Variants in SMAP1 observed in about 807,000 individuals in gnomAD.
The protein encoded by SMAP1 is stromal membrane-associated protein 1.
In SMAP1, 24 loss-of-function variants were observed where a neutral mutation model predicts 58.5. The observed-to-expected ratio is 0.41, with a 90% CI of 0.30 to 0.58. SMAP1 has a LOEUF of 0.58. Among genes scored for constraint, SMAP1 ranks in the 20% least tolerant of loss-of-function variants. The pLI is 0.29. For missense variants in SMAP1, 563 were observed against 566.3 expected (o/e 0.99, Z 0.06); for synonymous variants, 216 against 196.6 (o/e 1.10, Z -0.82).
At chr6:70,725,946 A>C (rs1405153750) in intron 1 of SMAP1, among the ~76,000 whole-genome samples, 1 of 152,210 alleles carries the variant, frequency 6.6e-6, no homozygotes, top group African/African-American at 2.4e-5. Flanking sequence ...CGAAAAGCTG[A>C]CAAAGTAGAG....
In SMAP1 at chr6:70,861,705, G is replaced by GT; in HGVS notation, c.*1373dup. The GT allele has an allele frequency of 6.2e-7, 1 of 1,613,992 alleles. No individual in the cohort carries two copies. The highest frequency in any genetic ancestry group is 1.1e-5 in the South Asian group (1 of 91,068). On this transcript the variant is annotated 3_prime_UTR_variant, in exon 11 of 11. Transcript: ENST00000370455. Reference sequence around the variant, plus strand: ...CTGTGTCCAGGTGGTACTTTGGCTCGTTGGCTAGATTAACCTTCTCTGTCC... The same window carrying GT: ...CTGTGTCCAGGTGGTACTTTGGCTCGTTTGGCTAGATTAACCTTCTCTGTCC...
intron 1 of SMAP1, among the ~76,000 whole-genome samples, chr6:70,729,438 C>CAAA (rs71538438): frequency 2.4e-5 from 2 of 81,708 alleles, no homozygotes; most frequent in Admixed American, 1.2e-4. Flanking sequence ...GACTCCGTCT[C>CAAA]AAAAAAAAAA....
At chr6:70,670,957 C>G (rs1766238955) in intron 1 of SMAP1, among the ~76,000 whole-genome samples, 1 of 152,218 alleles carries the variant, frequency 6.6e-6, no homozygotes, top group South Asian at 2.1e-4. Flanking sequence ...TGATCCTGCT[C>G]TTACCAAATC....
chr6:70,705,817 A>T, intron 1 of SMAP1, among the ~76,000 whole-genome samples: 1 of 152,136 alleles, frequency 6.6e-6, no homozygotes, highest in Non-Finnish European at 1.5e-5. Context: ...AACTTTGCCT[A>T]TTTTTTAGTG....
At chr6:70,806,673 A>G (rs1554204372) in intron 6 of SMAP1, among the ~76,000 whole-genome samples, 1 of 152,212 alleles carries the variant, frequency 6.6e-6, no homozygotes, top group Non-Finnish European at 1.5e-5. Flanking sequence ...GATAGGGATT[A>G]TTTATTCTAG....
chr6:70,701,052 C>T (rs1767607314), intron 1 of SMAP1, among the ~76,000 whole-genome samples: 1 of 152,008 alleles, frequency 6.6e-6, no homozygotes, highest in South Asian at 2.1e-4. Context: ...TCTCCTCACA[C>T]GGAAGGAAGG....
At chr6:70,821,289 C>T (rs956631266) in intron 6 of SMAP1, among the ~76,000 whole-genome samples, 1 of 152,082 alleles carries the variant, frequency 6.6e-6, no homozygotes, top group Non-Finnish European at 1.5e-5. Context: ...ATTGCATTCT[C>T]ATTTCTTATT....
rs550544679 is a variant in SMAP1 at position 70,839,926 on chromosome 6, T to C, written c.664+2898T>C. On this transcript the variant is annotated intron_variant, in intron 7 of 10. Coordinates refer to ENST00000370455, the MANE Select transcript of SMAP1 (RefSeq NM_001044305.3). ...TCTTTCAGCTCAAAACAAACAGTGG[T>C]TCTAAATCTGGATTGATGATTGGTG... 3.9e-5 allele frequency among the ~76,000 whole-genome samples: 6 copies of C among 152,204 alleles called. No homozygotes were observed. The East Asian group carries it at 1.2e-3, about 29-fold the overall frequency.
At chr6:70,757,194 G>C (rs1350059035) in intron 3 of SMAP1, among the ~76,000 whole-genome samples, 1 of 150,248 alleles carries the variant, frequency 6.7e-6, no homozygotes, top group African/African-American at 2.4e-5. Context: ...GAACAGAACA[G>C]AGCCCTCAGA....
At chr6:70,791,631 A>G in intron 4 of SMAP1, 58 bp from the exon 5 acceptor site, 2 of 1,428,372 alleles carry the variant, frequency 1.4e-6, no homozygotes, top group Non-Finnish European at 1.9e-6. Flanking sequence ...TGTGCCTGTC[A>G]ATTCTCATTA....
intron 4 of SMAP1, among the ~76,000 whole-genome samples, chr6:70,776,688 A>G (rs780967925): frequency 6.6e-6 from 1 of 151,924 alleles, no homozygotes; most frequent in Non-Finnish European, 1.5e-5. Flanking sequence ...TCTTCCCTCT[A>G]CTTCCATGAG....
rs536953583 is a variant in SMAP1 at position 70,683,209 on chromosome 6, C to T, written c.118+15068C>T. 6.0e-3 allele frequency among the ~76,000 whole-genome samples: 806 copies of T among 135,076 alleles called. 5 individuals are homozygous for T. The highest frequency in any genetic ancestry group is 8.8e-3 in the Non-Finnish European group (573 of 64,794). 88.6% of individuals were successfully genotyped at this position (135,076 alleles called of 152,430 possible). On this transcript the variant is annotated intron_variant, in intron 1 of 10. Transcript: ENST00000370455. ...TTCTTGAGGCGGCGTCTCACTCTGT[C>T]GCCCAGGCTGGAGTGCAGTGGCACA...
intron 2 of SMAP1, 81 bp from the exon 3 acceptor site, chr6:70,754,899 T>A: frequency 2.9e-6 from 2 of 690,602 alleles, no homozygotes; most frequent in Non-Finnish European, 5.0e-6. Context: ...GGTATTTGTG[T>A]ATATGTATGT....
At chr6:70,670,153 G>C (rs1766204540) in intron 1 of SMAP1, among the ~76,000 whole-genome samples, 1 of 152,070 alleles carries the variant, frequency 6.6e-6, no homozygotes, top group South Asian at 2.1e-4. Flanking sequence ...CCTTTTGTTG[G>C]TTTACTTGTT....
At chr6:70,793,559 G>A (rs1041574268) in intron 5 of SMAP1, among the ~76,000 whole-genome samples, 21 of 151,698 alleles carry the variant, frequency 1.4e-4, no homozygotes, top group Non-Finnish European at 2.9e-4. Context: ...TTAAGTATGA[G>A]GTCACTGTGG....
chr6:70,768,523 C>A (rs1158463997), intron 3 of SMAP1, among the ~76,000 whole-genome samples: 3 of 152,132 alleles, frequency 2.0e-5, no homozygotes. Context: ...TCTAGATTAT[C>A]CAGTTTATTT....
chr6:70,711,090 C>CT (rs1249207687), intron 1 of SMAP1, among the ~76,000 whole-genome samples: 6 of 152,024 alleles, frequency 3.9e-5, no homozygotes. Flanking sequence ...TTACAGTTAA[C>CT]TTTTTTTAAT....
chr6:70,713,462 TTTTG>T (rs1173011420), intron 1 of SMAP1, among the ~76,000 whole-genome samples: 1 of 152,166 alleles, frequency 6.6e-6, no homozygotes, highest in African/African-American at 2.4e-5. Flanking sequence ...CTCTTTTTGT[TTTTG>T]TTTATCCTGA....
In SMAP1 at chr6:70,798,702, C is replaced by T; in HGVS notation, c.541C>T (p.Pro181Ser). Residue 181 changes from proline (P) to serine (S), a missense_variant, in exon 6 of 11, where the codon CCA (proline) becomes TCA (serine). Coordinates refer to ENST00000370455, the MANE Select transcript of SMAP1 (RefSeq NM_001044305.3). ...KKEEKKREKE[P>S]EKPAKPLTAE... ...GGAAGAGAAAAAGAGAGAAAAGGAG[C>T]CAGAAAAGCCGGCAAAACCACTTAC... 1 of 1,554,340 alleles carries T rather than the reference C, an allele frequency of 6.4e-7. No homozygotes were observed. Among genetic ancestry groups the T allele is most frequent in the South Asian group, 1.3e-5 (1 of 79,684 alleles).
Sources: gnomAD v4.1 joint callset for allele counts (sites outside exome capture counted in the v4.1 genomes callset) on GRCh38, gnomAD v4.1.1 for gene constraint, MANE v1.5 for transcripts, NCBI Gene and HGNC (gene_info 2026-07-23, HGNC 2026-07-21) for gene names.